Variants in TBL1XR1 observed in about 807,000 individuals in gnomAD.
TBL1XR1 encodes TBL1X/Y related 1, also known as F-box-like/WD repeat-containing protein TBL1XR1.
TBL1XR1 carries 5 observed loss-of-function variants against 66.9 expected under a neutral mutation model. The ratio of observed to expected loss-of-function variants is 0.07; its 90% CI spans 0.04 to 0.16. TBL1XR1 has a LOEUF of 0.16. Ranked by LOEUF, TBL1XR1 falls within the 10% of genes least tolerant of loss-of-function variation. The pLI is 1.00. For missense variants in TBL1XR1, 238 were observed against 623.2 expected, an observed-to-expected ratio of 0.38 and a Z score of 6.58; for synonymous variants, 210 against 206.0, an observed-to-expected ratio of 1.02 and a Z score of -0.17.
intron 2 of TBL1XR1, among the ~76,000 whole-genome samples, chr3:177,089,087 A>G (rs1418805893): frequency 6.6e-6 from 1 of 152,206 alleles, no homozygotes; most frequent in Non-Finnish European, 1.5e-5. Context: ...GGCAAGTCAT[A>G]ACTTCTTTCA....
In TBL1XR1 at chr3:177,051,260, T is replaced by A. The variant is rs918817409; in HGVS notation, c.427+244A>T. On this transcript the variant is annotated intron_variant, in intron 5 of 15. Coordinates refer to ENST00000457928, the MANE Select transcript of TBL1XR1 (RefSeq NM_024665.7). The stretch of plus-strand genomic sequence containing the variant: ...ATGGGGCATTTCTTCTGAGAAAAAA[T>A]TTTTAAAAATTCTTGTCTCCTGGGA... Among the ~76,000 whole-genome samples the A allele has an allele frequency of 3.9e-5, 6 of 151,984 alleles. No homozygotes were observed. The East Asian group carries it at 9.7e-4, about 25-fold the overall frequency.
rs1712519609 is a variant in TBL1XR1, at chr3:177,022,538, T to C, written c.*2960A>G. The C allele has an allele frequency of 6.6e-6, 1 of 152,610 alleles. No individual in the cohort carries two copies. The highest frequency in any genetic ancestry group is 1.5e-5 in the Non-Finnish European group (1 of 67,982). 9.5% of individuals were successfully genotyped at this position (152,610 alleles called of 1,614,324 possible). On this transcript the variant is annotated 3_prime_UTR_variant, in exon 16 of 16. Coordinates refer to ENST00000457928, the MANE Select transcript of TBL1XR1 (RefSeq NM_024665.7). ...TTAAAAGTGGCAGCTGCTCTTTCTTTATTCCATTTTAATCAATGAGTATTG... is the reference window on the plus strand; with the variant it reads ...TTAAAAGTGGCAGCTGCTCTTTCTTCATTCCATTTTAATCAATGAGTATTG...
chr3:177,160,330 T>C (rs1188924871), intron 1 of TBL1XR1, among the ~76,000 whole-genome samples: 1 of 151,810 alleles, frequency 6.6e-6, no homozygotes, highest in Non-Finnish European at 1.5e-5. Flanking sequence ...AAAAATTAGC[T>C]GGGCGTGGTG....
chr3:177,030,973 G>A (rs1379881651), intron 14 of TBL1XR1, among the ~76,000 whole-genome samples: 2 of 152,110 alleles, frequency 1.3e-5, no homozygotes, highest in Non-Finnish European at 2.9e-5. Context: ...CTAGCCGGGT[G>A]TGGTGGCAGG....
chr3:177,063,546 G>C (rs906686989), intron 3 of TBL1XR1, among the ~76,000 whole-genome samples: 13 of 152,122 alleles, frequency 8.5e-5, no homozygotes, highest in Non-Finnish European at 2.9e-5. Flanking sequence ...TTTTCCATTT[G>C]GGTTGAAAGT....
chr3:177,135,646 T>C (rs1035942714), intron 1 of TBL1XR1, among the ~76,000 whole-genome samples: 2 of 151,626 alleles, frequency 1.3e-5, no homozygotes, highest in Admixed American at 1.3e-4. Context: ...CCTCCCAAAG[T>C]GCTGGTATTA....
intron 8 of TBL1XR1, 24 bp downstream of exon 8, chr3:177,047,462 T>A: frequency 1.2e-6 from 2 of 1,610,280 alleles, no homozygotes; most frequent in East Asian, 4.5e-5. Context: ...AACAACAAAG[T>A]AAAAAGGAAA....
At chr3:177,120,173 T>C (rs1726818546) in intron 1 of TBL1XR1, among the ~76,000 whole-genome samples, 1 of 152,262 alleles carries the variant, frequency 6.6e-6, no homozygotes, top group South Asian at 2.1e-4. Flanking sequence ...TATAGGTCTT[T>C]ACCTCCAGTT....
rs534270814 is a variant in TBL1XR1, at chr3:177,071,292, T to C, written c.-45-6270A>G. Among the ~76,000 whole-genome samples the C allele has an allele frequency of 6.6e-5, 10 of 152,232 alleles. No individual in the cohort carries two copies. The East Asian group carries it at 1.7e-3, about 26-fold the overall frequency. On this transcript the variant is annotated intron_variant, in intron 2 of 15. Coordinates refer to ENST00000457928, the MANE Select transcript of TBL1XR1 (RefSeq NM_024665.7). Reference sequence around the variant, plus strand: ...TTACAAGGACAGTTAATCACCTGAATAGATAGGAACTCTGCTTAAAACTCA... The same window carrying C: ...TTACAAGGACAGTTAATCACCTGAACAGATAGGAACTCTGCTTAAAACTCA...
At chr3:177,151,642 G>T (rs1312873564) in intron 1 of TBL1XR1, among the ~76,000 whole-genome samples, 6 of 152,192 alleles carry the variant, frequency 3.9e-5, no homozygotes, top group Non-Finnish European at 1.5e-5. Flanking sequence ...TGAAAAACAG[G>T]CTGAGTGTGA....
intron 1 of TBL1XR1, among the ~76,000 whole-genome samples, chr3:177,182,424 T>C (rs1734936959): frequency 6.6e-6 from 1 of 152,122 alleles, no homozygotes; most frequent in African/African-American, 2.4e-5. Context: ...ACACAGTAAG[T>C]TCTAAGGACA....
At chr3:177,047,138 G>A (rs1194307766) in intron 9 of TBL1XR1, among the ~76,000 whole-genome samples, 162 bp downstream of exon 9, 1 of 152,178 alleles carries the variant, frequency 6.6e-6, no homozygotes, top group Non-Finnish European at 1.5e-5. Context: ...TTGGTAAGTA[G>A]ATTCAGAAAT....
chr3:177,129,700 TAAA>T (rs921709067), intron 1 of TBL1XR1, among the ~76,000 whole-genome samples: 3 of 151,526 alleles, frequency 2.0e-5, no homozygotes, highest in African/African-American at 7.3e-5. Flanking sequence ...AAGCATATCT[TAAA>T]AAAAAAGTAC....
At chr3:177,157,195 T>A (rs1731621303) in intron 1 of TBL1XR1, among the ~76,000 whole-genome samples, 1 of 152,148 alleles carries the variant, frequency 6.6e-6, no homozygotes, top group Non-Finnish European at 1.5e-5. Flanking sequence ...AGTAGCAGAA[T>A]GAGACTCTAT....
chr3:177,146,532 G>T (rs149669017), intron 1 of TBL1XR1, among the ~76,000 whole-genome samples: 2 of 131,976 alleles, frequency 1.5e-5, no homozygotes, highest in African/African-American at 5.7e-5. Flanking sequence ...GGAGGTTGTG[G>T]TAAGCCAAGA....
At chr3:177,144,046 G>C (rs940576409) in intron 1 of TBL1XR1, among the ~76,000 whole-genome samples, 6 of 151,892 alleles carry the variant, frequency 4.0e-5, no homozygotes, top group Admixed American at 3.3e-4. Context: ...GGGAGTTTAA[G>C]ACCAGCCTGA....
At chr3:177,130,559 T>TA (rs1224223333) in intron 1 of TBL1XR1, among the ~76,000 whole-genome samples, 1 of 152,152 alleles carries the variant, frequency 6.6e-6, no homozygotes, top group Non-Finnish European at 1.5e-5. Flanking sequence ...GAAGGACACA[T>TA]AAAAAACTAA....
chr3:177,198,296 A>G (rs140234550), upstream of TBL1XR1, among the ~76,000 whole-genome samples: 79 of 152,304 alleles, frequency 5.2e-4, no homozygotes, highest in African/African-American at 1.9e-3. Context: ...ACTGTGAATC[A>G]AGCATATGGT....
chr3:177,134,500 T>C (rs1728670999), intron 1 of TBL1XR1, among the ~76,000 whole-genome samples: 1 of 152,190 alleles, frequency 6.6e-6, no homozygotes, highest in African/African-American at 2.4e-5. Context: ...CACATGCCAA[T>C]TATCCATGAA....
Sources: gnomAD v4.1 joint callset for allele counts (sites outside exome capture counted in the v4.1 genomes callset) on GRCh38, gnomAD v4.1.1 for gene constraint, MANE v1.5 for transcripts, NCBI Gene and HGNC (gene_info 2026-07-23, HGNC 2026-07-21) for gene names.